KCNMB2: variants seen among roughly 807,000 people sequenced by gnomAD.
KCNMB2 encodes the protein calcium-activated potassium channel subunit beta-2.
A neutral mutation model predicts 24.5 loss-of-function variants in KCNMB2; 9 were observed. That is an observed-to-expected ratio of 0.37 (90% CI 0.22 to 0.64). The LOEUF (loss-of-function observed/expected upper bound fraction) is 0.64, where lower values mean the gene tolerates loss of function less well. Ranked by LOEUF, KCNMB2 falls within the 30% of genes least tolerant of loss-of-function variation. The probability of loss-of-function intolerance (pLI) is 0.63; values close to 1 mark genes in which losing one functional copy is unlikely to be tolerated. For missense variants in KCNMB2, 226 were observed against 284.3 expected, an observed-to-expected ratio of 0.79 and a Z score of 1.47; for synonymous variants, 109 against 104.4, an observed-to-expected ratio of 1.04 and a Z score of -0.27.
intron 1 of KCNMB2, among the ~76,000 whole-genome samples, chr3:178,588,371 T>C (rs1429304944): frequency 6.6e-6 from 1 of 152,156 alleles, no homozygotes; most frequent in Non-Finnish European, 1.5e-5. Context: ...CAGGGAACTT[T>C]AAGCAGGGAG....
intron 1 of KCNMB2, among the ~76,000 whole-genome samples, chr3:178,798,375 G>C (rs999501489): frequency 6.6e-6 from 1 of 151,752 alleles, no homozygotes; most frequent in Non-Finnish European, 1.5e-5. Flanking sequence ...TCCTTGGTTT[G>C]TTTTTGTGTT....
Position 178,770,463 on chromosome 3 carries a change from T to G in KCNMB2, c.-67-36880T>G, listed in dbSNP as rs143732850. ...GAGTGAACAGAAGATGAGGACCAAG[T>G]GCGGTATTGTATGAAGGCCAGGAAA... On this transcript the variant is annotated intron_variant, in intron 1 of 4. Coordinates refer to ENST00000452583, the MANE Select transcript of KCNMB2 (RefSeq NM_181361.3). Among the ~76,000 whole-genome samples the G allele has an allele frequency of 1.1e-3, 169 of 152,308 alleles. 1 individual carries two copies. The highest frequency in any genetic ancestry group is 3.8e-3 in the African/African-American group (157 of 41,574).
At chr3:178,614,271 A>ATATATG (rs1560131635) in intron 1 of KCNMB2, among the ~76,000 whole-genome samples, 1 of 84,192 alleles carries the variant, frequency 1.2e-5, no homozygotes, top group African/African-American at 5.6e-5. Context: ...ATATATATAT[A>ATATATG]TATATATATA....
intron 1 of KCNMB2, among the ~76,000 whole-genome samples, chr3:178,611,492 C>T (rs1377189142): frequency 6.6e-6 from 1 of 152,112 alleles, no homozygotes; most frequent in Non-Finnish European, 1.5e-5. Flanking sequence ...GTCACAAGGT[C>T]AGGAGATCAA....
At chr3:178,636,434 A>T (rs931604142) in intron 1 of KCNMB2, among the ~76,000 whole-genome samples, 2 of 152,258 alleles carry the variant, frequency 1.3e-5, no homozygotes, top group Non-Finnish European at 2.9e-5. Context: ...AAGTAACATT[A>T]AAAAAATCTC....
intron 1 of KCNMB2, among the ~76,000 whole-genome samples, chr3:178,759,396 C>A (rs1236364887): frequency 4.3e-5 from 1 of 23,040 alleles, no homozygotes; most frequent in Non-Finnish European, 6.9e-5. Context: ...TATATCTCTC[C>A]AAGAGGATAT....
intron 1 of KCNMB2, among the ~76,000 whole-genome samples, chr3:178,716,507 G>A (rs968386252): frequency 4.1e-5 from 6 of 147,816 alleles, no homozygotes; most frequent in African/African-American, 1.3e-4. Flanking sequence ...GCAATGGCAC[G>A]ATCTCGGCTC....
intron 1 of KCNMB2, among the ~76,000 whole-genome samples, chr3:178,554,420 G>A (rs1290843310): frequency 6.6e-6 from 1 of 152,130 alleles, no homozygotes; most frequent in African/African-American, 2.4e-5. Flanking sequence ...TGGTGTTACA[G>A]AATTGAACTT....
intron 1 of KCNMB2, among the ~76,000 whole-genome samples, chr3:178,611,558 AG>A (rs1718484371): frequency 6.6e-6 from 1 of 152,090 alleles, no homozygotes; most frequent in South Asian, 2.1e-4. Flanking sequence ...CAAAAATATT[AG>A]CTGGACGTGG....
At chr3:178,811,377 G>C (rs756781344) in intron 2 of KCNMB2, among the ~76,000 whole-genome samples, 3 of 151,904 alleles carry the variant, frequency 2.0e-5, no homozygotes, top group Non-Finnish European at 2.9e-5. Flanking sequence ...ATCATTCCCC[G>C]ATTTTTTTTC....
At chr3:178,659,073 A>G (rs1374635249) in intron 1 of KCNMB2, among the ~76,000 whole-genome samples, 2 of 152,356 alleles carry the variant, frequency 1.3e-5, no homozygotes, top group African/African-American at 4.8e-5. Context: ...TACTCTGGCT[A>G]AAGGAGCTTT....
chr3:178,681,754 T>C (rs1335345652), intron 1 of KCNMB2, among the ~76,000 whole-genome samples: 1 of 152,184 alleles, frequency 6.6e-6, no homozygotes, highest in Non-Finnish European at 1.5e-5. Flanking sequence ...TCTTCTCAAG[T>C]AGACAAAGAA....
intron 1 of KCNMB2, among the ~76,000 whole-genome samples, chr3:178,708,391 AAC>A (rs1722347528): frequency 6.6e-6 from 1 of 152,150 alleles, no homozygotes; most frequent in African/African-American, 2.4e-5. Context: ...GCTGTTAAAA[AAC>A]ATTCTCTCAT....
Position 178,634,522 on chromosome 3 carries a change from G to C in KCNMB2, c.-68+97811G>C, listed in dbSNP as rs1460104129. Among the ~76,000 whole-genome samples the C allele has an allele frequency of 2.0e-5, 3 of 152,042 alleles. 1 individual carries two copies. Among genetic ancestry groups the C allele is most frequent in the African/African-American group, 4.8e-5 (2 of 41,378 alleles). ...AACCATCAGATATCATGAGATATCT[G>C]ACTCACTATCATGAGAACAGCATGG... is the stretch of plus-strand genomic sequence containing the variant. On this transcript the variant is annotated intron_variant, in intron 1 of 4. Transcript: ENST00000452583.
At chr3:178,800,985 C>A (rs982103239) in intron 1 of KCNMB2, among the ~76,000 whole-genome samples, 6 of 152,040 alleles carry the variant, frequency 3.9e-5, no homozygotes, top group African/African-American at 1.4e-4. Flanking sequence ...AACAATTGAA[C>A]TCATGGAGAT....
At chr3:178,836,314 G>A (rs2108475686) in intron 4 of KCNMB2, among the ~76,000 whole-genome samples, 1 of 148,394 alleles carries the variant, frequency 6.7e-6, no homozygotes. Context: ...CTGGAAGAGA[G>A]GCTAAGGAAA....
chr3:178,577,878 T>C (rs2108485902), intron 1 of KCNMB2, among the ~76,000 whole-genome samples: 1 of 152,180 alleles, frequency 6.6e-6, no homozygotes, highest in South Asian at 2.1e-4. Flanking sequence ...TGGGATTATG[T>C]GAAAAGACCA....
At chr3:178,593,358 A>G (rs1367307469) in intron 1 of KCNMB2, among the ~76,000 whole-genome samples, 1 of 152,130 alleles carries the variant, frequency 6.6e-6, no homozygotes, top group African/African-American at 2.4e-5. Flanking sequence ...AGTTCCTTCT[A>G]CAGGGACTAA....
At chr3:178,666,803 C>A (rs893431949) in intron 1 of KCNMB2, among the ~76,000 whole-genome samples, 2 of 152,042 alleles carry the variant, frequency 1.3e-5, no homozygotes, top group East Asian at 3.9e-4. Context: ...TTAATTGTAT[C>A]CCCCCATCCA....
Sources: gnomAD v4.1 joint callset for allele counts (sites outside exome capture counted in the v4.1 genomes callset) on GRCh38, gnomAD v4.1.1 for gene constraint, MANE v1.5 for transcripts, NCBI Gene and HGNC (gene_info 2026-07-23, HGNC 2026-07-21) for gene names.